The following AMPH variants were observed in gnomAD, a reference collection of about 807,000 sequenced individuals.
AMPH encodes the protein amphiphysin (Stiff-Mann syndrome with breast cancer 128kD autoantigen).
In AMPH, 49 loss-of-function variants were observed where a neutral mutation model predicts 99.1. The ratio of observed to expected loss-of-function variants is 0.49; its 90% CI spans 0.39 to 0.63. The LOEUF is 0.63. Among genes scored for constraint, AMPH ranks in the 20% least tolerant of loss-of-function variants. AMPH has a pLI of 0.00. For missense variants in AMPH, 759 were observed against 863.4 expected, an observed-to-expected ratio of 0.88 and a Z score of 1.52; for synonymous variants, 314 against 317.3, an observed-to-expected ratio of 0.99 and a Z score of 0.11.
chr7:38,539,210 C>T (rs1322255486), intron 1 of AMPH, among the ~76,000 whole-genome samples: 1 of 152,132 alleles, frequency 6.6e-6, no homozygotes, highest in Non-Finnish European at 1.5e-5. Context: ...AAACCAAAAG[C>T]CCTGAAAGTG....
intron 1 of AMPH, among the ~76,000 whole-genome samples, chr7:38,559,583 C>T (rs1187716052): frequency 6.6e-6 from 1 of 152,180 alleles, no homozygotes; most frequent in Non-Finnish European, 1.5e-5. Context: ...GTCTAATTTT[C>T]ACAACTTCAC....
At chr7:38,495,374 T>A (rs998758155) in intron 3 of AMPH, among the ~76,000 whole-genome samples, 1 of 152,150 alleles carries the variant, frequency 6.6e-6, no homozygotes, top group Non-Finnish European at 1.5e-5. Context: ...ACTTACTTAC[T>A]CCAGTTTAGG....
At chr7:38,563,960 T>C (rs1443057160) in intron 1 of AMPH, among the ~76,000 whole-genome samples, 2 of 152,190 alleles carry the variant, frequency 1.3e-5, no homozygotes, top group African/African-American at 2.4e-5. Flanking sequence ...CTCCATAATA[T>C]GTTACCCCAT....
Position 38,383,795 on chromosome 7 carries a change from A to G in AMPH, c.*1023T>C, listed in dbSNP as rs1784280226. ...TACAGATGATTTGTGGATACAGCAT[A>G]CACCATCTATTTTACTTTAGAACAA... is the stretch of plus-strand genomic sequence containing the variant. On this transcript the variant is annotated 3_prime_UTR_variant, in exon 21 of 21. Transcript: ENST00000356264. The G allele has an allele frequency of 6.6e-6, 1 of 152,606 alleles. No individual in the cohort carries two copies. Among genetic ancestry groups the G allele is most frequent in the Admixed American group, 6.5e-5 (1 of 15,278 alleles). 9.5% of individuals were successfully genotyped at this position (152,606 alleles called of 1,614,324 possible).
At chr7:38,565,990 T>C (rs1388384573) in intron 1 of AMPH, among the ~76,000 whole-genome samples, 1 of 152,232 alleles carries the variant, frequency 6.6e-6, no homozygotes, top group Non-Finnish European at 1.5e-5. Context: ...TATCTTCATA[T>C]GAAAATATTA....
intron 12 of AMPH, among the ~76,000 whole-genome samples, chr7:38,433,102 C>A (rs1033566615): frequency 6.6e-6 from 1 of 152,194 alleles, no homozygotes; most frequent in Admixed American, 6.5e-5. Context: ...ATGTCAACAG[C>A]AAACTAGAGA....
At chr7:38,518,292 A>ATGTATAGTG (rs1199069241) in intron 2 of AMPH, among the ~76,000 whole-genome samples, 5 of 152,356 alleles carry the variant, frequency 3.3e-5, no homozygotes, top group African/African-American at 1.2e-4. Flanking sequence ...GAGGTGTCAC[A>ATGTATAGTG]GAATCTCTAC....
chr7:38,470,252 A>G (rs1408246049), intron 7 of AMPH, among the ~76,000 whole-genome samples: 1 of 152,156 alleles, frequency 6.6e-6, no homozygotes. Flanking sequence ...TAATTTCCCT[A>G]TACCAGCTGC....
chr7:38,538,686 C>A (rs578134021), intron 1 of AMPH, among the ~76,000 whole-genome samples: 1 of 152,226 alleles, frequency 6.6e-6, no homozygotes, highest in South Asian at 2.1e-4. Flanking sequence ...AACGACAGAA[C>A]CGGAGCTAGG....
intron 7 of AMPH, among the ~76,000 whole-genome samples, chr7:38,474,092 G>T (rs1299016833): frequency 6.6e-6 from 1 of 152,030 alleles, no homozygotes; most frequent in Non-Finnish European, 1.5e-5. Flanking sequence ...GATGACGAGG[G>T]TTAGGGTGGG....
At chr7:38,510,237 G>A (rs558411541) in intron 2 of AMPH, among the ~76,000 whole-genome samples, 1 of 152,202 alleles carries the variant, frequency 6.6e-6, no homozygotes, top group South Asian at 2.1e-4. Context: ...GTGGCTTTTT[G>A]TCTGTGTGCG....
intron 1 of AMPH, among the ~76,000 whole-genome samples, chr7:38,596,510 T>C (rs995124874): frequency 6.6e-6 from 1 of 152,178 alleles, no homozygotes; most frequent in East Asian, 1.9e-4. Flanking sequence ...GAGTGGATTA[T>C]TCACACCCAA....
At position 38,484,265 on chromosome 7, in the gene AMPH, C is replaced by T. The variant is rs116647790; in HGVS notation, c.396+6785G>A. Among the ~76,000 whole-genome samples the T allele has an allele frequency of 6.7e-3, 1,017 of 151,978 alleles. 15 individuals carry two copies. The highest frequency in any genetic ancestry group is 0.024 in the African/African-American group (976 of 41,476). On this transcript the variant is annotated intron_variant, in intron 5 of 20. Transcript: ENST00000356264. ...AAATGTTCATTCAAATTCAGGAAGC[C>T]CAAAAACTCCAAATAAAATGAACCC...
intron 16 of AMPH, 59 bp downstream of exon 16, chr7:38,422,362 T>A: frequency 7.2e-7 from 1 of 1,397,818 alleles, no homozygotes; most frequent in Non-Finnish European, 1.0e-6. Context: ...AATGATCAGC[T>A]TTAGAACATT....
intron 1 of AMPH, among the ~76,000 whole-genome samples, chr7:38,619,970 G>A (rs892924442): frequency 2.0e-5 from 3 of 152,208 alleles, no homozygotes; most frequent in Admixed American, 6.5e-5. Flanking sequence ...TACAGAGAAA[G>A]GTATTAGACT....
chr7:38,513,397 G>A (rs183314891), intron 2 of AMPH, among the ~76,000 whole-genome samples: 1 of 152,250 alleles, frequency 6.6e-6, no homozygotes, highest in East Asian at 1.9e-4. Context: ...CATTGAACCT[G>A]GGAAGTCTAG....
At chr7:38,447,512 C>A (rs1326894352) in intron 11 of AMPH, among the ~76,000 whole-genome samples, 1 of 152,026 alleles carries the variant, frequency 6.6e-6, no homozygotes, top group African/African-American at 2.4e-5. Context: ...AAAGAGATTT[C>A]AATATATAAC....
At chr7:38,565,923 A>G (rs1466952107) in intron 1 of AMPH, among the ~76,000 whole-genome samples, 1 of 152,222 alleles carries the variant, frequency 6.6e-6, no homozygotes, top group African/African-American at 2.4e-5. Flanking sequence ...CACTGAAATA[A>G]TAGTCAATGC....
chr7:38,595,798 A>G (rs1562851402), intron 1 of AMPH, among the ~76,000 whole-genome samples: 2 of 152,164 alleles, frequency 1.3e-5, no homozygotes, highest in Non-Finnish European at 2.9e-5. Flanking sequence ...GCTCCCACTT[A>G]TATGTGAGAA....
Sources: gnomAD v4.1 joint callset for allele counts (sites outside exome capture counted in the v4.1 genomes callset) on GRCh38, gnomAD v4.1.1 for gene constraint, MANE v1.5 for transcripts, NCBI Gene and HGNC (gene_info 2026-07-23, HGNC 2026-07-21) for gene names.